ARHGEF3: variants seen among roughly 807,000 people sequenced by gnomAD.
ARHGEF3 encodes 59.8 kDA protein.
In ARHGEF3, 28 loss-of-function variants were observed where a neutral mutation model predicts 63.2. The observed-to-expected ratio is 0.44, with a 90% confidence interval of 0.33 to 0.61. ARHGEF3 has a LOEUF of 0.61. Among genes scored for constraint, ARHGEF3 ranks in the 20% least tolerant of loss-of-function variants. ARHGEF3 has a pLI of 0.03. For missense variants in ARHGEF3, 533 were observed against 659.3 expected (o/e 0.81, Z 2.10); for synonymous variants, 266 against 254.2 (o/e 1.05, Z -0.44).
chr3:56,943,487 A>G (rs2108430668), intron 3 of ARHGEF3, among the ~76,000 whole-genome samples: 1 of 152,354 alleles, frequency 6.6e-6, no homozygotes, highest in South Asian at 2.1e-4. Context: ...CTGACAATGC[A>G]TCTGGTCACC....
At chr3:56,808,943 A>C (rs1307416497) in intron 4 of ARHGEF3, among the ~76,000 whole-genome samples, 2 of 152,210 alleles carry the variant, frequency 1.3e-5, no homozygotes, top group African/African-American at 4.8e-5. Flanking sequence ...CACTATTGAG[A>C]AACGCTGTGG....
At chr3:56,827,797 G>T (rs2038784726) in intron 4 of ARHGEF3, among the ~76,000 whole-genome samples, 1 of 143,168 alleles carries the variant, frequency 7.0e-6, no homozygotes, top group African/African-American at 2.6e-5. Context: ...AAAAAGCCAG[G>T]CATGGTCGCA....
chr3:56,969,701 C>T (rs1355925882), intron 2 of ARHGEF3, among the ~76,000 whole-genome samples: 1 of 145,846 alleles, frequency 6.9e-6, no homozygotes, highest in Non-Finnish European at 1.5e-5. Context: ...AACCAGGGAC[C>T]GAGATCGCAC....
chr3:57,055,425 G>A (rs2107320767), intron 1 of ARHGEF3, among the ~76,000 whole-genome samples: 1 of 152,154 alleles, frequency 6.6e-6, no homozygotes, highest in Admixed American at 6.6e-5. Flanking sequence ...GCCTCCCAGA[G>A]TGCCAGGATT....
At chr3:56,877,311 T>A (rs2040617989) in intron 4 of ARHGEF3, among the ~76,000 whole-genome samples, 1 of 151,954 alleles carries the variant, frequency 6.6e-6, no homozygotes, top group African/African-American at 2.4e-5. Context: ...GAATATTTCA[T>A]AATATGACAC....
intron 3 of ARHGEF3, among the ~76,000 whole-genome samples, chr3:56,906,443 C>T (rs943065693): frequency 2.0e-5 from 3 of 152,152 alleles, no homozygotes; most frequent in African/African-American, 4.8e-5. Context: ...TTGAGATGTG[C>T]TCTAAGTATA....
chr3:56,969,943 G>A (rs368612503), intron 2 of ARHGEF3, among the ~76,000 whole-genome samples: 1 of 151,964 alleles, frequency 6.6e-6, no homozygotes, highest in Admixed American at 6.6e-5. Context: ...CCAGACACAA[G>A]GGATACATAT....
chr3:56,734,567 C>G (rs1229526640), intron 8 of ARHGEF3, among the ~76,000 whole-genome samples: 1 of 152,074 alleles, frequency 6.6e-6, no homozygotes, highest in Non-Finnish European at 1.5e-5. Context: ...TGCACATATA[C>G]CCCCTGCATC....
chr3:56,913,818 C>T (rs1038801017), intron 3 of ARHGEF3, among the ~76,000 whole-genome samples: 2 of 152,112 alleles, frequency 1.3e-5, no homozygotes, highest in Non-Finnish European at 2.9e-5. Context: ...AGTCATTATA[C>T]GAAAAAGATA....
chr3:56,959,359 C>G (rs576562592), intron 2 of ARHGEF3, among the ~76,000 whole-genome samples: 3 of 152,060 alleles, frequency 2.0e-5, no homozygotes, highest in Non-Finnish European at 4.4e-5. Flanking sequence ...ACATTTAGCC[C>G]CCGCGTAACA....
chr3:56,757,283 G>A (rs1448442349), intron 2 of ARHGEF3, among the ~76,000 whole-genome samples: 1 of 152,138 alleles, frequency 6.6e-6, no homozygotes. Flanking sequence ...CACCAGCCTG[G>A]CCAACATGGT....
At chr3:56,951,772 G>C (rs1699824342) in intron 3 of ARHGEF3, among the ~76,000 whole-genome samples, 1 of 151,948 alleles carries the variant, frequency 6.6e-6, no homozygotes, top group Admixed American at 6.6e-5. Context: ...CTGTATGTTA[G>C]AGGTTAGTAT....
intron 3 of ARHGEF3, among the ~76,000 whole-genome samples, chr3:56,923,073 TATAA>T (rs1262523449): frequency 3.7e-4 from 35 of 95,602 alleles, no homozygotes; most frequent in African/African-American, 1.1e-3. Context: ...TATATATATA[TATAA>T]ATTAGTTGGG....
intron 2 of ARHGEF3, among the ~76,000 whole-genome samples, chr3:57,014,892 A>G (rs1304182982): frequency 6.6e-6 from 1 of 152,086 alleles, no homozygotes; most frequent in Non-Finnish European, 1.5e-5. Flanking sequence ...TCACCGTGTT[A>G]GCCAGGATGG....
intron 3 of ARHGEF3, chr3:56,882,369 A>G (rs1337419727): frequency 1.3e-6 from 2 of 1,551,510 alleles, no homozygotes; most frequent in Non-Finnish European, 1.7e-6. Context: ...AAAACAAACG[A>G]AAAAACAAAG....
At position 56,907,761 on chromosome 3, in the gene ARHGEF3, C is replaced by T. The variant is rs143550042; in HGVS notation, c.130-25407G>A. Among the ~76,000 whole-genome samples the T allele has an allele frequency of 5.0e-3, 754 of 152,248 alleles. 5 individuals are homozygous for T. The highest frequency in any genetic ancestry group is 7.5e-3 in the Non-Finnish European group (513 of 68,022). On this transcript the variant is annotated intron_variant, in intron 3 of 12. Transcript: ENST00000338458. Reference sequence around the variant, plus strand: ...GGCCATTATCCTTAGCAAACTAATGCAGGAACAGAAAACCAAATACTGTAT... The same window carrying T: ...GGCCATTATCCTTAGCAAACTAATGTAGGAACAGAAAACCAAATACTGTAT...
chr3:56,861,098 G>A (rs1043842373), intron 4 of ARHGEF3, among the ~76,000 whole-genome samples: 5 of 152,188 alleles, frequency 3.3e-5, no homozygotes, highest in African/African-American at 9.7e-5. Flanking sequence ...AAACCATGTC[G>A]GCTTTAGCTT....
At chr3:56,781,594 T>A (rs1051199831) in intron 1 of ARHGEF3, among the ~76,000 whole-genome samples, 2 of 152,168 alleles carry the variant, frequency 1.3e-5, no homozygotes, top group Non-Finnish European at 2.9e-5. Flanking sequence ...AAGACAAACA[T>A]TTTTTGTTGT....
chr3:57,000,136 T>A, intron 2 of ARHGEF3, among the ~76,000 whole-genome samples: 1 of 152,162 alleles, frequency 6.6e-6, no homozygotes, highest in Non-Finnish European at 1.5e-5. Flanking sequence ...GTGCCTGGCA[T>A]ATGGTAAGGG....
Sources: allele counts gnomAD v4.1 joint callset (sites outside exome capture counted in the v4.1 genomes callset), GRCh38; gene constraint gnomAD v4.1.1; transcripts MANE v1.5; gene names NCBI Gene and HGNC (gene_info 2026-07-23, HGNC 2026-07-21).